The following GPR173 variants were observed in gnomAD, a reference collection of about 807,000 sequenced individuals.
GPR173 encodes the protein G protein-coupled receptor 173.
In GPR173, 2 loss-of-function variants were observed where a neutral mutation model predicts 13.9. The ratio of observed to expected loss-of-function variants is 0.14; its 90% CI spans 0.06 to 0.45. The LOEUF (loss-of-function observed/expected upper bound fraction) is 0.45, where lower values mean the gene tolerates loss of function less well. Ranked by LOEUF, GPR173 falls within the 20% of genes least tolerant of loss-of-function variation. GPR173 has a pLI of 0.98. For missense variants in GPR173, 202 were observed against 340.5 expected (o/e 0.59, Z 3.20); for synonymous variants, 131 against 141.0 (o/e 0.93, Z 0.50).
In GPR173 at chrX:53,079,488, T is replaced by C. The variant is rs1384793181; in HGVS notation, c.*1745T>C. The stretch of plus-strand genomic sequence containing the variant: ...TAGATAGGGTACATTTAGGAGGGTT[T>C]TCCTCCATTTCTTTTTTCTAACTGC... On this transcript the variant is annotated 3_prime_UTR_variant, in exon 2 of 2. Transcript: ENST00000332582. 1 of 121,100 alleles carries C rather than the reference T, an allele frequency of 8.3e-6. No homozygotes were observed. Among genetic ancestry groups the C allele is most frequent in the Non-Finnish European group, 1.9e-5 (1 of 52,880 alleles). The allele number at this position is 121,100 out of a possible 1,213,427, so 10.0% of individuals were successfully genotyped here. A position where few individuals can be genotyped will look rare whatever the true frequency, so the allele number is the denominator to read the frequency against.
At chrX:53,069,047 C>A (rs1932224356) in intron 1 of GPR173, among the ~76,000 whole-genome samples, 1 of 102,269 alleles carries the variant, frequency 9.8e-6, no homozygotes, top group Admixed American at 1.1e-4. Flanking sequence ...GCAATCTCCA[C>A]CTCTCAGGTT....
In GPR173 at chrX:53,078,769, C is replaced by CT. The variant is rs1932482980; in HGVS notation, c.*1027dup. The stretch of plus-strand genomic sequence containing the variant: ...CCCAGAATTGTCTCTCGGGTTCACC[C>CT]TACTCTTCTGAAGATGAAAATTTGT... On this transcript the variant is annotated 3_prime_UTR_variant, in exon 2 of 2. Transcript: ENST00000332582. The CT allele has an allele frequency of 8.1e-6, 1 of 122,810 alleles. No homozygotes were observed. The highest frequency in any genetic ancestry group is 9.5e-5 in the Admixed American group (1 of 10,537). 10.1% of individuals were successfully genotyped at this position (122,810 alleles called of 1,213,427 possible). A position where few individuals can be genotyped will look rare whatever the true frequency, so the allele number is the denominator to read the frequency against.
rs1264808581 is a variant in GPR173, at chrX:53,078,010, CTCTCTCTG to C, written c.*275_*282del. On this transcript the variant is annotated 3_prime_UTR_variant, in exon 2 of 2. Coordinates refer to ENST00000332582, the MANE Select transcript of GPR173 (RefSeq NM_018969.6). Reference sequence around the variant, plus strand: ...TTCTACAATCTCATTCTCTCTCTCTCTCTCTCTGTCTCTCTCTCTCTCTCTCTCTCTCT... The same window carrying C: ...TTCTACAATCTCATTCTCTCTCTCTCTCTCTCTCTCTCTCTCTCTCTCTCT... 4 of 336,169 alleles carry C rather than the reference CTCTCTCTG, an allele frequency of 1.2e-5. No individual in the cohort carries two copies. Among genetic ancestry groups the C allele is most frequent in the African/African-American group, 7.7e-5 (2 of 25,911 alleles). 27.7% of individuals were successfully genotyped at this position (336,169 alleles called of 1,213,427 possible).
chrX:53,075,586 A>G (rs1163097883), intron 1 of GPR173, among the ~76,000 whole-genome samples: 3 of 108,521 alleles, frequency 2.8e-5, no homozygotes, highest in African/African-American at 6.7e-5. Flanking sequence ...AAGCATCCCT[A>G]CATGTTTATA....
chrX:53,060,242 C>T (rs1238520312), intron 1 of GPR173, among the ~76,000 whole-genome samples: 1 of 108,173 alleles, frequency 9.2e-6, no homozygotes, highest in African/African-American at 3.4e-5. Flanking sequence ...CTCTGCCTCC[C>T]GGGTTCAAGC....
At position 53,080,528 on chromosome X, in the gene GPR173, A is replaced by G. The variant is rs781793589; in HGVS notation, c.*2785A>G. 1.6e-5 allele frequency: 2 copies of G among 121,951 alleles called. No homozygotes were observed. Among genetic ancestry groups the G allele is most frequent in the Non-Finnish European group, 3.8e-5 (2 of 53,033 alleles). The allele number at this position is 121,951 out of a possible 1,213,427, so 10.1% of individuals were successfully genotyped here. On this transcript the variant is annotated 3_prime_UTR_variant, in exon 2 of 2. Coordinates refer to ENST00000332582, the MANE Select transcript of GPR173 (RefSeq NM_018969.6). The stretch of plus-strand genomic sequence containing the variant: ...CGTACGTCCTTCCAATCCACCGTTC[A>G]TGTGTTTATTTACATATATGTGTAT...
At position 53,049,058 on chromosome X, in the gene GPR173, A is replaced by AGGGG. The variant is rs782436092; in HGVS notation, c.-518_-515dup. The AGGGG allele has an allele frequency of 3.5e-4, 11 of 31,050 alleles. No individual in the cohort carries two copies. The highest frequency in any genetic ancestry group is 2.0e-3 in the South Asian group (1 of 502). The allele number at this position is 31,050 out of a possible 1,213,427, so 2.6% of individuals were successfully genotyped here. ...AAGGCGGCGGCCAGCAGGCAGACGG[A>AGGGG]GGGGGGGGGTGGGGGGTGGGGGGGG... On this transcript the variant is annotated 5_prime_UTR_variant, in exon 1 of 2. Coordinates refer to ENST00000332582, the MANE Select transcript of GPR173 (RefSeq NM_018969.6).
intron 1 of GPR173, among the ~76,000 whole-genome samples, chrX:53,060,014 T>TTA (rs371575080): frequency 0.028 from 2,732 of 98,702 alleles, 42 homozygotes; most frequent in Non-Finnish European, 0.036. Context: ...AAAGTGTATA[T>TTA]TATATATATA....
At position 53,078,875 on chromosome X, in the gene GPR173, C is replaced by G. The variant is rs1177088480; in HGVS notation, c.*1132C>G. The stretch of plus-strand genomic sequence containing the variant: ...CCATTCCTATCTGACCTCTTTTTGT[C>G]CCCCTCAAGCCTCAGGGGCCTCAAG... On this transcript the variant is annotated 3_prime_UTR_variant, in exon 2 of 2. Transcript: ENST00000332582. The G allele has an allele frequency of 3.2e-4, 39 of 123,204 alleles. No individual in the cohort carries two copies. The Admixed American group carries it at 3.7e-3, about 12-fold the overall frequency. The allele number at this position is 123,204 out of a possible 1,213,427, so 10.2% of individuals were successfully genotyped here. A position where few individuals can be genotyped will look rare whatever the true frequency, so the allele number is the denominator to read the frequency against.
At chrX:53,067,743 G>C (rs1556804358) in intron 1 of GPR173, among the ~76,000 whole-genome samples, 1 of 105,042 alleles carries the variant, frequency 9.5e-6, no homozygotes, top group African/African-American at 3.5e-5. Context: ...AGAATGGCGT[G>C]AACCTGGGAG....
Position 53,077,375 on chromosome X carries a change from G to A in GPR173, c.754G>A (p.Gly252Arg). Residue 252 changes from glycine (G) to arginine (R), a missense_variant, in exon 2 of 2, where the codon GGG (glycine) becomes AGG (arginine). This residue lies in a region of GPR173 where 76 missense variants were observed against 116.3 expected (regional missense o/e 0.65). Coordinates refer to ENST00000332582, the MANE Select transcript of GPR173 (RefSeq NM_018969.6). ...AANWIAGFGR[G>R]PMPPTLLGIR... ...CAACTGGATCGCCGGCTTTGGCCGT[G>A]GGCCCATGCCACCAACCCTGCTGGG... 1 of 1,199,900 alleles carries A rather than the reference G, an allele frequency of 8.3e-7. No homozygotes were observed.
chrX:53,063,525 A>G lies in GPR173; in HGVS notation c.-97-13000A>G, dbSNP rs782485470. Among the ~76,000 whole-genome samples, 4 of 111,210 alleles carry G rather than the reference A, an allele frequency of 3.6e-5. No individual in the cohort carries two copies. The South Asian group carries it at 1.5e-3, about 42-fold the overall frequency. On this transcript the variant is annotated intron_variant, in intron 1 of 1. Coordinates refer to ENST00000332582, the MANE Select transcript of GPR173 (RefSeq NM_018969.6). ...GTCACACCCTTAGTATTCTCTCCCC[A>G]ACATGCTTTTGTATTTTTTACATGG...
chrX:53,071,923 T>A (rs934990619), intron 1 of GPR173, among the ~76,000 whole-genome samples: 9 of 110,967 alleles, frequency 8.1e-5, no homozygotes, highest in Middle Eastern at 4.2e-3. Flanking sequence ...GGTTGCTGTC[T>A]GAGGGTGTCC....
At chrX:53,068,864 G>A (rs1421522599) in intron 1 of GPR173, among the ~76,000 whole-genome samples, 2 of 107,758 alleles carry the variant, frequency 1.9e-5, no homozygotes, top group Non-Finnish European at 3.8e-5. Flanking sequence ...GAGGCAGAAG[G>A]ATTGTTCGAG....
chrX:53,057,982 T>C lies in GPR173; in HGVS notation c.-98+8498T>C. Among the ~76,000 whole-genome samples, 3 of 112,277 alleles carry C rather than the reference T, an allele frequency of 2.7e-5. 1 individual carries two copies. The Middle Eastern group carries it at 0.014, about 517-fold the overall frequency. ...GCATATTTGCCCTGTTATCTGTATCTATACGTCTGTGTGACAGAATGAGCA... is the reference window on the plus strand; with the variant it reads ...GCATATTTGCCCTGTTATCTGTATCCATACGTCTGTGTGACAGAATGAGCA... On this transcript the variant is annotated intron_variant, in intron 1 of 1. Transcript: ENST00000332582.
chrX:53,054,483 G>A (rs1192375001), intron 1 of GPR173, among the ~76,000 whole-genome samples: 1 of 106,971 alleles, frequency 9.3e-6, no homozygotes, highest in Non-Finnish European at 1.9e-5. Context: ...CAGCCTGGGC[G>A]ACAGAGCGAG....
intron 1 of GPR173, among the ~76,000 whole-genome samples, chrX:53,053,755 G>A (rs1388401383): frequency 8.9e-6 from 1 of 112,829 alleles, no homozygotes; most frequent in Non-Finnish European, 1.9e-5. Context: ...ATGTCTGTCT[G>A]TAAGTGTGTA....
chrX:53,061,371 A>T (rs1289326476), intron 1 of GPR173, among the ~76,000 whole-genome samples: 1 of 111,806 alleles, frequency 8.9e-6, no homozygotes, highest in African/African-American at 3.3e-5. Flanking sequence ...GTGTGTCTGT[A>T]TATGAGTGTC....
chrX:53,074,392 ATAAATATATATT>A lies in GPR173; in HGVS notation c.-97-2130_-97-2119del. 3.3e-5 allele frequency among the ~76,000 whole-genome samples: 2 copies of A among 61,498 alleles called. 1 individual carries two copies. The highest frequency in any genetic ancestry group is 1.0e-3 in the East Asian group (2 of 1,931). The allele number at this position is 61,498 out of a possible 115,157, so 53.4% of individuals were successfully genotyped here. The stretch of plus-strand genomic sequence containing the variant: ...TTTATAAATAAATATATAAATATAT[ATAAATATATATT>A]TATATTTATATATAAATAACTATAT... On this transcript the variant is annotated intron_variant, in intron 1 of 1. Coordinates refer to ENST00000332582, the MANE Select transcript of GPR173 (RefSeq NM_018969.6).
Sources: gnomAD v4.1 joint callset for allele counts (sites outside exome capture counted in the v4.1 genomes callset) on GRCh38, gnomAD v4.1.1 for gene constraint, gnomAD v4.1.1 regional missense constraint, MANE v1.5 for transcripts, NCBI Gene and HGNC (gene_info 2026-07-23, HGNC 2026-07-21) for gene names.